CYSTM1: variants seen among roughly 807,000 people sequenced by gnomAD.
CYSTM1 encodes the protein cysteine rich transmembrane module containing 1.
In CYSTM1, 4 loss-of-function variants were observed where a neutral mutation model predicts 13.1. The ratio of observed to expected loss-of-function variants is 0.31; its 90% CI spans 0.15 to 0.70. The LOEUF (loss-of-function observed/expected upper bound fraction) is 0.70, where lower values mean the gene tolerates loss of function less well. Ranked by LOEUF, CYSTM1 falls within the 30% of genes least tolerant of loss-of-function variation. The probability of loss-of-function intolerance (pLI) is 0.72; values close to 1 mark genes in which losing one functional copy is unlikely to be tolerated. For synonymous variants in CYSTM1, 36 were observed against 42.7 expected, an observed-to-expected ratio of 0.84 and a Z score of 0.62; for missense variants, 96 against 121.6, an observed-to-expected ratio of 0.79 and a Z score of 0.99.
intron 2 of CYSTM1, among the ~76,000 whole-genome samples, chr5:140,216,921 T>G (rs1561814744): frequency 6.6e-6 from 1 of 152,142 alleles, no homozygotes; most frequent in East Asian, 1.9e-4. Flanking sequence ...ATACGCATTC[T>G]CGTTCTGGGG....
In CYSTM1 at chr5:140,177,078, A is replaced by AAAAAAACAAAAAC. The variant is rs1554131559; in HGVS notation, c.-21+1799_-21+1800insCAAAAACAAAAAA. Among the ~76,000 whole-genome samples the AAAAAAACAAAAAC allele has an allele frequency of 5.9e-5, 8 of 135,544 alleles. 1 individual carries two copies. The highest frequency in any genetic ancestry group is 4.6e-4 in the East Asian group (2 of 4,392). 88.9% of individuals were successfully genotyped at this position (135,544 alleles called of 152,430 possible). A position where few individuals can be genotyped will look rare whatever the true frequency, so the allele number is the denominator to read the frequency against. ...AGCGAGACTCTGTCTCAAAAAAAAAAAAAAAAAAATCTCTAGTCCTTTCCT... is the reference window on the plus strand; with the variant it reads ...AGCGAGACTCTGTCTCAAAAAAAAAAAAAAAACAAAAACAAAAAAAAATCTCTAGTCCTTTCCT... On this transcript the variant is annotated intron_variant, in intron 1 of 2. Transcript: ENST00000261811.
At chr5:140,222,648 C>T (rs1048561523) in intron 2 of CYSTM1, among the ~76,000 whole-genome samples, 8 of 152,228 alleles carry the variant, frequency 5.3e-5, no homozygotes, top group Non-Finnish European at 7.3e-5. Flanking sequence ...CCATGTGGCT[C>T]TTGTGAGTGA....
At chr5:140,207,692 G>A (rs1009032215) in intron 2 of CYSTM1, among the ~76,000 whole-genome samples, 1 of 152,196 alleles carries the variant, frequency 6.6e-6, no homozygotes, top group East Asian at 1.9e-4. Flanking sequence ...TTCAGTTTCA[G>A]TTTCTCAGCA....
intron 2 of CYSTM1, among the ~76,000 whole-genome samples, chr5:140,238,028 G>A (rs900284276): frequency 1.3e-5 from 2 of 152,224 alleles, no homozygotes; most frequent in African/African-American, 4.8e-5. Context: ...CTGAATGCTT[G>A]TTGGGTTGGG....
At chr5:140,186,544 GTAAT>G (rs1416441595) in intron 1 of CYSTM1, among the ~76,000 whole-genome samples, 1 of 152,180 alleles carries the variant, frequency 6.6e-6, no homozygotes, top group African/African-American at 2.4e-5. Context: ...ACTTCCCTGA[GTAAT>G]TAGTTATCTC....
chr5:140,187,763 G>T (rs1581059036), intron 1 of CYSTM1, among the ~76,000 whole-genome samples: 2 of 152,212 alleles, frequency 1.3e-5, no homozygotes, highest in Non-Finnish European at 2.9e-5. Flanking sequence ...TTGATAATAA[G>T]AAGGGTTCCA....
intron 2 of CYSTM1, among the ~76,000 whole-genome samples, chr5:140,206,802 T>A (rs1764304259): frequency 6.6e-6 from 1 of 152,162 alleles, no homozygotes; most frequent in Non-Finnish European, 1.5e-5. Flanking sequence ...AGCTAATTTT[T>A]AAAAAATTTT....
At chr5:140,226,552 A>C (rs1425458377) in intron 2 of CYSTM1, among the ~76,000 whole-genome samples, 15 of 114,504 alleles carry the variant, frequency 1.3e-4, no homozygotes, top group African/African-American at 5.0e-4. Context: ...TAATAATATA[A>C]TATATAATAT....
chr5:140,237,886 G>A (rs1764700708), intron 2 of CYSTM1, among the ~76,000 whole-genome samples: 1 of 152,166 alleles, frequency 6.6e-6, no homozygotes, highest in African/African-American at 2.4e-5. Context: ...CTCCCAGGAT[G>A]CCACTTCAGG....
At chr5:140,225,836 TTCTC>T (rs200844314) in intron 2 of CYSTM1, among the ~76,000 whole-genome samples, 2,843 of 152,322 alleles carry the variant, frequency 0.019, 32 homozygotes, top group Middle Eastern at 0.034. Flanking sequence ...GCTCTTCCTC[TTCTC>T]TCTGAGTGGC....
At chr5:140,204,012 A>G (rs1347945511) in intron 2 of CYSTM1, among the ~76,000 whole-genome samples, 1 of 152,140 alleles carries the variant, frequency 6.6e-6, no homozygotes, top group Non-Finnish European at 1.5e-5. Context: ...TTTTAGAGAC[A>G]TTTAAACTGA....
chr5:140,217,889 T>C (rs1764447090), intron 2 of CYSTM1, among the ~76,000 whole-genome samples: 1 of 152,156 alleles, frequency 6.6e-6, no homozygotes, highest in African/African-American at 2.4e-5. Flanking sequence ...GAGCATACAG[T>C]GATAAGTGGC....
intron 2 of CYSTM1, among the ~76,000 whole-genome samples, chr5:140,198,894 A>G (rs1269502802): frequency 6.6e-6 from 1 of 152,168 alleles, no homozygotes; most frequent in Non-Finnish European, 1.5e-5. Context: ...TGCATGTGCC[A>G]TGGTGGTTTG....
chr5:140,208,632 C>T (rs1178617581), intron 2 of CYSTM1, among the ~76,000 whole-genome samples: 1 of 151,892 alleles, frequency 6.6e-6, no homozygotes, highest in East Asian at 1.9e-4. Context: ...GAAAGGATAC[C>T]CCATTCTCTA....
chr5:140,233,282 G>T (rs1764637805), intron 2 of CYSTM1, among the ~76,000 whole-genome samples: 1 of 152,182 alleles, frequency 6.6e-6, no homozygotes, highest in Non-Finnish European at 1.5e-5. Flanking sequence ...ATACTGCCTT[G>T]CGAGCACAAT....
At chr5:140,204,313 C>T (rs1319262328) in intron 2 of CYSTM1, among the ~76,000 whole-genome samples, 3 of 152,190 alleles carry the variant, frequency 2.0e-5, no homozygotes, top group Admixed American at 2.0e-4. Context: ...TTCCAGGCTA[C>T]AGTGAACTAG....
At chr5:140,222,974 GTACAT>G in intron 2 of CYSTM1, among the ~76,000 whole-genome samples, 1 of 152,340 alleles carries the variant, frequency 6.6e-6, no homozygotes, top group East Asian at 1.9e-4. Flanking sequence ...TCTGGACACT[GTACAT>G]ATCCTGGCCT....
intron 2 of CYSTM1, among the ~76,000 whole-genome samples, chr5:140,209,273 T>C (rs182498496): frequency 6.6e-6 from 1 of 150,434 alleles, no homozygotes; most frequent in Non-Finnish European, 1.5e-5. Flanking sequence ...TCTTTTCTTT[T>C]TTTTTTTTTT....
intron 2 of CYSTM1, among the ~76,000 whole-genome samples, chr5:140,198,854 T>G (rs1193087764): frequency 1.3e-5 from 2 of 152,238 alleles, no homozygotes; most frequent in African/African-American, 4.8e-5. Context: ...AGGATACATG[T>G]GCAGAATGTG....
Sources: allele counts gnomAD v4.1 joint callset (sites outside exome capture counted in the v4.1 genomes callset), GRCh38; gene constraint gnomAD v4.1.1; transcripts MANE v1.5; gene names NCBI Gene and HGNC (gene_info 2026-07-23, HGNC 2026-07-21).